Variants in IL1RAPL2 observed in about 807,000 individuals in gnomAD.
IL1RAPL2 encodes the protein interleukin 1 receptor accessory protein like 2, also known as X-linked interleukin-1 receptor accessory protein-like 2.
IL1RAPL2 carries 3 observed loss-of-function variants against 44.1 expected under a neutral mutation model. That is an observed-to-expected ratio of 0.07 (90% CI 0.03 to 0.18). IL1RAPL2 has a LOEUF of 0.18. IL1RAPL2 is among the 10% of genes least tolerant of loss of function. The pLI is 1.00. For synonymous variants in IL1RAPL2, 181 were observed against 178.8 expected (o/e 1.01, Z -0.10); for missense variants, 391 against 496.4 (o/e 0.79, Z 2.02).
At chrX:105,763,438 A>G (rs2038703940) in intron 10 of IL1RAPL2, among the ~76,000 whole-genome samples, 1 of 111,087 alleles carries the variant, frequency 9.0e-6, no homozygotes, top group Non-Finnish European at 1.9e-5. Context: ...TTTCTTCCTC[A>G]TTTACTTTTG....
chrX:104,865,948 C>T (rs143955218), intron 2 of IL1RAPL2, among the ~76,000 whole-genome samples: 1,814 of 112,231 alleles, frequency 0.016, 32 homozygotes, highest in Non-Finnish European at 0.024. Context: ...AATAAACTCC[C>T]CTTCATATAT....
In IL1RAPL2 at chrX:105,119,676, C is replaced by T. The variant is rs2032901191; in HGVS notation, c.83-75799C>T. ...AATTGGATTGGCTTTTGCCAGTCAA[C>T]AATTGATTCACTCCCAGCATGTGTG... On this transcript the variant is annotated intron_variant, in intron 2 of 10. Coordinates refer to ENST00000372582, the MANE Select transcript of IL1RAPL2 (RefSeq NM_017416.2). Among the ~76,000 whole-genome samples, 2 of 111,405 alleles carry T rather than the reference C, an allele frequency of 1.8e-5. 1 individual carries two copies. Among genetic ancestry groups the T allele is most frequent in the African/African-American group, 6.5e-5 (2 of 30,646 alleles).
At chrX:105,508,990 T>A (rs775529842) in intron 6 of IL1RAPL2, among the ~76,000 whole-genome samples, 1 of 112,073 alleles carries the variant, frequency 8.9e-6, no homozygotes, top group Non-Finnish European at 1.9e-5. Flanking sequence ...TTTTTCTTTC[T>A]AATCCATAAA....
At chrX:104,812,115 C>T (rs61339464) in intron 2 of IL1RAPL2, among the ~76,000 whole-genome samples, 4 of 110,594 alleles carry the variant, frequency 3.6e-5, no homozygotes, top group African/African-American at 9.9e-5. Flanking sequence ...TCATTTCAAC[C>T]GACAAACATT....
chrX:104,900,766 T>G (rs1923789260), intron 2 of IL1RAPL2, among the ~76,000 whole-genome samples: 1 of 111,956 alleles, frequency 8.9e-6, no homozygotes, highest in African/African-American at 3.2e-5. Context: ...TCACTTATAT[T>G]GGAAAAAGCA....
At chrX:105,116,464 T>G (rs1271588497) in intron 2 of IL1RAPL2, among the ~76,000 whole-genome samples, 2 of 107,894 alleles carry the variant, frequency 1.9e-5, no homozygotes, top group African/African-American at 7.5e-5. Flanking sequence ...ATTTGTAGAT[T>G]GTGTCCTGCA....
chrX:105,369,338 A>T (rs2035320020), intron 5 of IL1RAPL2, among the ~76,000 whole-genome samples: 1 of 111,104 alleles, frequency 9.0e-6, no homozygotes, highest in Non-Finnish European at 1.9e-5. Flanking sequence ...AGAGATTCTT[A>T]GTGCCTCTAA....
intron 2 of IL1RAPL2, among the ~76,000 whole-genome samples, chrX:104,903,308 TTC>T (rs1330454833): frequency 8.9e-6 from 1 of 112,169 alleles, no homozygotes; most frequent in Non-Finnish European, 1.9e-5. Flanking sequence ...TCAGATATTA[TTC>T]TCTCTCTTCT....
At chrX:104,920,864 T>C (rs924768105) in intron 2 of IL1RAPL2, among the ~76,000 whole-genome samples, 2 of 110,004 alleles carry the variant, frequency 1.8e-5, no homozygotes, top group Admixed American at 1.9e-4. Context: ...AGAACCAAAA[T>C]ATTGAGTATA....
chrX:105,191,766 A>G (rs1556137336), intron 2 of IL1RAPL2, among the ~76,000 whole-genome samples: 2 of 112,383 alleles, frequency 1.8e-5, no homozygotes, highest in Admixed American at 1.9e-4. Context: ...GGGCAGACAT[A>G]CATTCACTTA....
chrX:104,644,060 C>T (rs1054633711), intron 1 of IL1RAPL2, among the ~76,000 whole-genome samples: 5 of 111,300 alleles, frequency 4.5e-5, no homozygotes, highest in Admixed American at 1.9e-4. Flanking sequence ...GCTATTGCCA[C>T]GCAATTCTTG....
chrX:105,729,879 A>AGGAAGGAAGGAC (rs2038387243), intron 7 of IL1RAPL2, among the ~76,000 whole-genome samples: 1 of 51,093 alleles, frequency 2.0e-5, no homozygotes, highest in Non-Finnish European at 3.3e-5. Context: ...GAAGGAAAGA[A>AGGAAGGAAGGAC]GGAAGGAAGG....
chrX:105,031,766 G>T (rs1383849345), intron 2 of IL1RAPL2, among the ~76,000 whole-genome samples: 1 of 111,447 alleles, frequency 9.0e-6, no homozygotes, highest in African/African-American at 3.3e-5. Context: ...CATAAAATGA[G>T]TAAGGGAGGA....
intron 2 of IL1RAPL2, among the ~76,000 whole-genome samples, chrX:104,744,866 G>A (rs780175817): frequency 9.0e-6 from 1 of 110,578 alleles, no homozygotes; most frequent in African/African-American, 3.3e-5. Flanking sequence ...TTTAAAAAGT[G>A]TAAATCAGTG....
At chrX:105,081,423 A>G (rs1456410054) in intron 2 of IL1RAPL2, among the ~76,000 whole-genome samples, 1 of 111,415 alleles carries the variant, frequency 9.0e-6, no homozygotes, top group African/African-American at 3.3e-5. Context: ...TCATTATCAA[A>G]TTTTGTCCTT....
intron 3 of IL1RAPL2, among the ~76,000 whole-genome samples, chrX:105,223,415 T>C (rs1456101642): frequency 9.0e-6 from 1 of 111,315 alleles, no homozygotes; most frequent in African/African-American, 3.3e-5. Context: ...TTTATAGTTG[T>C]CCCCCTTACT....
intron 6 of IL1RAPL2, among the ~76,000 whole-genome samples, chrX:105,623,123 CA>C (rs2037431582): frequency 9.0e-6 from 1 of 110,687 alleles, no homozygotes; most frequent in Admixed American, 9.7e-5. Flanking sequence ...GTGTCTTACA[CA>C]TATTAACTCA....
At chrX:104,661,060 G>A (rs184193476) in intron 2 of IL1RAPL2, among the ~76,000 whole-genome samples, 59 of 111,467 alleles carry the variant, frequency 5.3e-4, no homozygotes, top group African/African-American at 1.9e-3. Context: ...TGCTTGTTAA[G>A]CGTGAGGCTA....
chrX:104,761,158 A>G (rs1186304259), intron 2 of IL1RAPL2, among the ~76,000 whole-genome samples: 2 of 111,429 alleles, frequency 1.8e-5, no homozygotes, highest in Non-Finnish European at 3.8e-5. Flanking sequence ...ACCTGAGACT[A>G]GGTAATTTAT....
Sources: allele counts gnomAD v4.1 joint callset (sites outside exome capture counted in the v4.1 genomes callset), GRCh38; gene constraint gnomAD v4.1.1; transcripts MANE v1.5; gene names NCBI Gene and HGNC (gene_info 2026-07-23, HGNC 2026-07-21).